MGAT5B: variants seen among roughly 807,000 people sequenced by gnomAD.
MGAT5B encodes N-acetylglucosaminyl-transferase Vb.
MGAT5B carries 54 observed loss-of-function variants against 95.1 expected under a neutral mutation model. The observed-to-expected ratio is 0.57, with a 90% CI of 0.46 to 0.71. MGAT5B has a LOEUF of 0.71. Among genes scored for constraint, MGAT5B ranks in the 30% least tolerant of loss-of-function variants. The probability of loss-of-function intolerance (pLI) is 0.00; values close to 1 mark genes in which losing one functional copy is unlikely to be tolerated. For synonymous variants in MGAT5B, 464 were observed against 451.0 expected, an observed-to-expected ratio of 1.03 and a Z score of -0.36; for missense variants, 935 against 1,088.6, an observed-to-expected ratio of 0.86 and a Z score of 1.99.
chr17:76,902,865 C>T (rs968430236), intron 4 of MGAT5B, among the ~76,000 whole-genome samples, 195 bp downstream of exon 4: 127 of 152,208 alleles, frequency 8.3e-4, no homozygotes, highest in African/African-American at 3.0e-3. Context: ...GGCAGGAGGG[C>T]GCTGAGGACA....
rs1247990875 is a variant in MGAT5B, at chr17:76,918,512, G to T, written c.1026-6454G>T. On this transcript the variant is annotated intron_variant, in intron 8 of 17. Transcript: ENST00000569840. This position sits in a 1 kb window ranked among gnomAD's most constrained non-coding sequence, Gnocchi z 5.1. ...AGTCCATCCTGGGCAGGAAGAAAAT[G>T]CTGCAGGACGGTGTAATTCTTTCCT... Among the ~76,000 whole-genome samples, 1 of 152,256 alleles carries T rather than the reference G, an allele frequency of 6.6e-6. No homozygotes were observed. Among genetic ancestry groups the T allele is most frequent in the African/African-American group, 2.4e-5 (1 of 41,470 alleles).
intron 15 of MGAT5B, among the ~76,000 whole-genome samples, chr17:76,941,988 G>A (rs1283520527): frequency 1.3e-5 from 2 of 152,310 alleles, no homozygotes; most frequent in South Asian, 4.1e-4. Context: ...TGACACTTTT[G>A]GCCTGCACAC....
In MGAT5B at chr17:76,938,276, C is replaced by G; in HGVS notation, c.1584+133C>G. 1 of 1,242,516 alleles carries G rather than the reference C, an allele frequency of 8.0e-7. No homozygotes were observed. The highest frequency in any genetic ancestry group is 1.5e-5 in the African/African-American group (1 of 66,696). The allele number at this position is 1,242,516 out of a possible 1,614,324, so 77.0% of individuals were successfully genotyped here. Reference sequence around the variant, plus strand: ...CCCAGCATGCTCTGCTGCCCTGAGCCCCACATCTGGCCAGAGCCCAGGGGC... The same window carrying G: ...CCCAGCATGCTCTGCTGCCCTGAGCGCCACATCTGGCCAGAGCCCAGGGGC... On this transcript the variant is annotated intron_variant, in intron 13 of 17. Coordinates refer to ENST00000569840, the MANE Select transcript of MGAT5B (RefSeq NM_001199172.2). The surrounding 1 kb of genome is among the most constrained non-coding windows in gnomAD (Gnocchi z 4.3).
chr17:76,935,913 A>G lies in MGAT5B; in HGVS notation c.1429-2075A>G, dbSNP rs1313732089. Among the ~76,000 whole-genome samples the G allele has an allele frequency of 2.9e-5, 4 of 139,320 alleles. 1 individual carries two copies. The allele number at this position is 139,320 out of a possible 152,430, so 91.4% of individuals were successfully genotyped here. The stretch of plus-strand genomic sequence containing the variant: ...ATATAATTATATATACATTATATAT[A>G]TTATATATTATATAATTATATATAC... On this transcript the variant is annotated intron_variant, in intron 12 of 17. Transcript: ENST00000569840.
intron 3 of MGAT5B, among the ~76,000 whole-genome samples, chr17:76,883,874 G>T (rs1967523339): frequency 6.6e-6 from 1 of 152,218 alleles, no homozygotes; most frequent in South Asian, 2.1e-4. Flanking sequence ...TGGGAGGGTT[G>T]GAGGGATGCC....
chr17:76,899,185 AG>A (rs1227328720), intron 3 of MGAT5B, among the ~76,000 whole-genome samples: 1 of 152,062 alleles, frequency 6.6e-6, no homozygotes, highest in Non-Finnish European at 1.5e-5. Context: ...GTCTTGACAT[AG>A]GTTGTTTGTG....
intron 3 of MGAT5B, among the ~76,000 whole-genome samples, chr17:76,894,120 GCA>G (rs1967982448): frequency 6.6e-6 from 1 of 152,202 alleles, no homozygotes; most frequent in African/African-American, 2.4e-5. Context: ...TGTGGGCACT[GCA>G]CTTGTGTCCA....
At chr17:76,902,693 AC>A (rs745882214) in intron 4 of MGAT5B, 23 bp downstream of exon 4, 4 of 1,476,344 alleles carry the variant, frequency 2.7e-6, no homozygotes, top group South Asian at 1.2e-5. Flanking sequence ...GGGCGGGGGT[AC>A]CCTCTACCCC....
rs1970082424 is a variant in MGAT5B at position 76,947,873 on chromosome 17, C to T, written c.1967C>T (p.Ala656Val). The change falls in exon 17 of 18, where the codon GCC (alanine) becomes GTC (valine). Residue 656 changes from alanine to valine, a missense_variant. By Grantham distance (64) the Ala-to-Val change is moderately conservative. Coordinates refer to ENST00000569840, the MANE Select transcript of MGAT5B (RefSeq NM_001199172.2). The stretch of plus-strand genomic sequence containing the variant: ...GACCCTGCCCTACCAGAGGCCCACG[C>T]CCCGCAGAGCCCCTTTGTCCTGGCC... ...APDPALPEAH[A>V]PQSPFVLAPN... 6.3e-7 allele frequency: 1 copy of T among 1,598,648 alleles called. No individual in the cohort carries two copies. Among genetic ancestry groups the T allele is most frequent in the African/African-American group, 1.3e-5 (1 of 74,486 alleles).
Position 76,926,693 on chromosome 17 carries a change from C to T in MGAT5B, c.1254C>T (p.Tyr418=). ...TLHGYRTNWG[Y]WNLNPKQFMT... Reference sequence around the variant, plus strand: ...ACGGCTACCGGACCAACTGGGGCTACTGGAACCTCAACCCCAAGCAGTTCA... The same window carrying T: ...ACGGCTACCGGACCAACTGGGGCTATTGGAACCTCAACCCCAAGCAGTTCA... Residue 418 remains tyrosine (Y), a synonymous_variant, in exon 10 of 18, where the codon TAC becomes TAT. Coordinates refer to ENST00000569840, the MANE Select transcript of MGAT5B (RefSeq NM_001199172.2). The T allele has an allele frequency of 1.9e-6, 3 of 1,612,778 alleles. No homozygotes were observed. Among genetic ancestry groups the T allele is most frequent in the Non-Finnish European group, 2.5e-6 (3 of 1,179,938 alleles).
At chr17:76,904,482 C>G in intron 6 of MGAT5B, 60 bp downstream of exon 6, 1 of 1,503,484 alleles carries the variant, frequency 6.7e-7, no homozygotes, top group Non-Finnish European at 8.9e-7. Context: ...TTCTTAAGGA[C>G]AGTGGACAGA....
At chr17:76,902,992 G>A (rs62085673) in intron 4 of MGAT5B, among the ~76,000 whole-genome samples, 20,307 of 152,054 alleles carry the variant, frequency 0.13, 1,743 homozygotes, top group African/African-American at 0.22. Flanking sequence ...AGCGAGCTGG[G>A]GGCTGCAAAC....
At chr17:76,873,031 C>T in intron 2 of MGAT5B, 68 bp downstream of exon 2, 1 of 1,561,246 alleles carries the variant, frequency 6.4e-7, no homozygotes, top group South Asian at 1.1e-5. Flanking sequence ...GGAAGTGCCT[C>T]TGAGCCTAGC....
intron 3 of MGAT5B, among the ~76,000 whole-genome samples, chr17:76,893,936 G>A (rs2145163637): frequency 6.6e-6 from 1 of 152,274 alleles, no homozygotes; most frequent in Non-Finnish European, 1.5e-5. Flanking sequence ...CTGTCTCAGA[G>A]CCCACCTGTT....
intron 9 of MGAT5B, among the ~76,000 whole-genome samples, chr17:76,926,150 C>A (rs1235919305): frequency 6.6e-6 from 1 of 152,140 alleles, no homozygotes; most frequent in Non-Finnish European, 1.5e-5. Flanking sequence ...CCTTTTGCAT[C>A]CTGGCCCTAT....
rs1028851136 is a variant in MGAT5B at position 76,930,747 on chromosome 17, G to A, written c.1292-1898G>A. On this transcript the variant is annotated intron_variant, in intron 10 of 17. Transcript: ENST00000569840. This position sits in a 1 kb window ranked among gnomAD's most constrained non-coding sequence, Gnocchi z 4.1. ...CTTATGGACAAATAAGTCAAATGGCGAGGAAATCCCGGGGCAATCCCTGCT... is the reference window on the plus strand; with the variant it reads ...CTTATGGACAAATAAGTCAAATGGCAAGGAAATCCCGGGGCAATCCCTGCT... 2.6e-5 allele frequency among the ~76,000 whole-genome samples: 4 copies of A among 152,284 alleles called. No individual in the cohort carries two copies. Among genetic ancestry groups the A allele is most frequent in the East Asian group, 3.9e-4 (2 of 5,174 alleles).
rs766651005 is a variant in MGAT5B at position 76,933,275 on chromosome 17, C to G, written c.1423-17C>G. ...TCTCTCTCTCTGTTCCTTGTGCTCCCCCTGGCCACGAGGCAGCTCCAGGTA... is the reference window on the plus strand; with the variant it reads ...TCTCTCTCTCTGTTCCTTGTGCTCCGCCTGGCCACGAGGCAGCTCCAGGTA... On this transcript the variant is annotated splice_polypyrimidine_tract_variant and intron_variant, in intron 11 of 17. Transcript: ENST00000569840. The G allele has an allele frequency of 8.1e-6, 13 of 1,598,264 alleles. 1 individual carries two copies. In the East Asian group the frequency reaches 1.8e-4, roughly 22 times the overall value.
intron 16 of MGAT5B, 73 bp from the exon 17 acceptor site, chr17:76,947,757 C>A: frequency 5.4e-6 from 8 of 1,476,460 alleles, no homozygotes; most frequent in Non-Finnish European, 7.2e-6. Context: ...CACGGCAGGG[C>A]CACACCTTCA....
chr17:76,898,955 G>T (rs76269467), intron 3 of MGAT5B, among the ~76,000 whole-genome samples: 16,735 of 152,282 alleles, frequency 0.11, 1,155 homozygotes, highest in East Asian at 0.19. Context: ...GGAAAGCCAA[G>T]TCCCTGTCCT....
Sources: allele counts gnomAD v4.1 joint callset (sites outside exome capture counted in the v4.1 genomes callset), GRCh38; gene constraint gnomAD v4.1.1; non-coding constraint Gnocchi (gnomAD v3.1); transcripts MANE v1.5; gene names NCBI Gene and HGNC (gene_info 2026-07-23, HGNC 2026-07-21).